The following GK variants were observed in gnomAD, a reference collection of about 807,000 sequenced individuals.
GK encodes ATP:glycerol 3-phosphotransferase.
A neutral mutation model predicts 56.4 loss-of-function variants in GK; 9 were observed. The observed-to-expected ratio is 0.16, with a 90% CI of 0.10 to 0.28. The LOEUF (loss-of-function observed/expected upper bound fraction) is 0.28. GK is among the 10% of genes least tolerant of loss of function. GK has a pLI of 1.00. For synonymous variants in GK, 104 were observed against 144.1 expected (o/e 0.72, Z 1.99); for missense variants, 161 against 431.4 (o/e 0.37, Z 5.55).
chrX:30,664,031 T>G (rs758201161), intron 1 of GK, among the ~76,000 whole-genome samples: 229 of 87,196 alleles, frequency 2.6e-3, no homozygotes, highest in African/African-American at 7.1e-3. Context: ...TATATATATT[T>G]TATAGATATA....
chrX:30,685,274 G>A (rs1934534781), intron 4 of GK, among the ~76,000 whole-genome samples: 1 of 110,970 alleles, frequency 9.0e-6, no homozygotes, highest in Non-Finnish European at 1.9e-5. Flanking sequence ...TGGGACTACA[G>A]GCGCCTGCCA....
At chrX:30,654,743 AT>A (rs2147115341) in intron 1 of GK, among the ~76,000 whole-genome samples, 1 of 111,899 alleles carries the variant, frequency 8.9e-6, no homozygotes, top group East Asian at 2.8e-4. Context: ...TCTCAAAAAA[AT>A]AAAAATAAAT....
At chrX:30,724,666 C>T in intron 19 of GK, 1 of 305,952 alleles carries the variant, frequency 3.3e-6, no homozygotes, top group South Asian at 3.0e-5. Context: ...ATATACCAAA[C>T]ATAGTAAATT....
chrX:30,700,394 C>T lies in GK; in HGVS notation c.748-20C>T. ...CAAAATTTTGTGACTATTCATAATC[C>T]TTTTTTTAAATTTTATTAGAAAGCT... On this transcript the variant is annotated intron_variant, in intron 9 of 20. Coordinates refer to ENST00000427190, the MANE Select transcript of GK (RefSeq NM_001205019.2). The T allele has an allele frequency of 8.4e-7, 1 of 1,188,010 alleles. No homozygotes were observed. The highest frequency in any genetic ancestry group is 1.1e-6 in the Non-Finnish European group (1 of 876,022).
rs1253039155 is a variant in GK at position 30,730,243 on chromosome X, T to C, written c.*1501T>C. 6 of 112,121 alleles carry C rather than the reference T, an allele frequency of 5.4e-5. No individual in the cohort carries two copies. The highest frequency in any genetic ancestry group is 1.1e-4 in the Non-Finnish European group (6 of 53,215). 9.2% of individuals were successfully genotyped at this position (112,121 alleles called of 1,213,427 possible). On this transcript the variant is annotated 3_prime_UTR_variant, in exon 21 of 21. Coordinates refer to ENST00000427190, the MANE Select transcript of GK (RefSeq NM_001205019.2). ...CAATGAGTGCTGAATGGGAAAACAT[T>C]TATATCTTACTATAAAAGGTTCTGT...
chrX:30,653,992 C>T (rs1013672720), intron 1 of GK, among the ~76,000 whole-genome samples: 11 of 112,670 alleles, frequency 9.8e-5, no homozygotes, highest in Non-Finnish European at 1.9e-4. Flanking sequence ...AACATTTGGC[C>T]TGCGAGACAC....
intron 1 of GK, among the ~76,000 whole-genome samples, chrX:30,656,012 T>A (rs776963753): frequency 8.9e-6 from 1 of 111,751 alleles, no homozygotes; most frequent in Non-Finnish European, 1.9e-5. Context: ...AAAATTGTCC[T>A]CTCCTTGAGA....
At chrX:30,709,464 G>T (rs975551371) in intron 13 of GK, among the ~76,000 whole-genome samples, 2 of 111,772 alleles carry the variant, frequency 1.8e-5, no homozygotes, top group South Asian at 3.7e-4. Flanking sequence ...TAGAGGCTGC[G>T]GTCAGTTTCT....
chrX:30,711,826 G>A lies in GK; in HGVS notation c.975+3692G>A, dbSNP rs185932925. On this transcript the variant is annotated intron_variant, in intron 13 of 20. Transcript: ENST00000427190. ...TCATGTAACTTGTTCATAGAACGCCGCCAATCCCAAGAACCTCTATTTGCC... is the reference window on the plus strand; with the variant it reads ...TCATGTAACTTGTTCATAGAACGCCACCAATCCCAAGAACCTCTATTTGCC... Among the ~76,000 whole-genome samples, 264 of 111,238 alleles carry A rather than the reference G, an allele frequency of 2.4e-3. 1 individual carries two copies. The highest frequency in any genetic ancestry group is 4.5e-3 in the Admixed American group (47 of 10,454).
At chrX:30,712,039 C>T (rs1377006537) in intron 13 of GK, among the ~76,000 whole-genome samples, 1 of 112,305 alleles carries the variant, frequency 8.9e-6, no homozygotes, top group African/African-American at 3.2e-5. Context: ...AGAGCATGTG[C>T]ATGCATATCT....
At chrX:30,689,822 C>A (rs1458548862) in intron 4 of GK, among the ~76,000 whole-genome samples, 1 of 112,039 alleles carries the variant, frequency 8.9e-6, no homozygotes, top group Non-Finnish European at 1.9e-5. Context: ...CCAACAGATG[C>A]AGGAGGAGTA....
chrX:30,669,357 T>A (rs1195159654), intron 3 of GK, among the ~76,000 whole-genome samples: 1 of 109,985 alleles, frequency 9.1e-6, no homozygotes, highest in Non-Finnish European at 1.9e-5. Flanking sequence ...TAATTTTTTG[T>A]ATTTTTTGTA....
intron 5 of GK, among the ~76,000 whole-genome samples, chrX:30,693,306 A>G (rs188049999): frequency 2.4e-3 from 266 of 108,693 alleles, no homozygotes; most frequent in Non-Finnish European, 4.3e-3. Context: ...ATGAGCCACC[A>G]CGCCTGGCGT....
rs758112750 is a variant in GK at position 30,713,902 on chromosome X, G to T, written c.976-4636G>T. 4.5e-5 allele frequency among the ~76,000 whole-genome samples: 5 copies of T among 112,048 alleles called. No homozygotes were observed. In the East Asian group the frequency reaches 1.4e-3, roughly 31 times the overall value. ...TTGAGACTTCCATGTTCCGTGTTTT[G>T]TCACTAGAATATAGATTTCCTGAGG... On this transcript the variant is annotated intron_variant, in intron 13 of 20. Transcript: ENST00000427190.
chrX:30,664,730 G>A (rs1947838627), intron 1 of GK, among the ~76,000 whole-genome samples: 1 of 80,546 alleles, frequency 1.2e-5, no homozygotes, highest in East Asian at 3.9e-4. Flanking sequence ...TTTTTGAGAC[G>A]GAGTTTTCCT....
chrX:30,703,968 AG>A (rs1339765457), intron 11 of GK, among the ~76,000 whole-genome samples: 14 of 107,105 alleles, frequency 1.3e-4, no homozygotes, highest in Admixed American at 1.1e-3. Flanking sequence ...AAAAAAAAAA[AG>A]ATGGAAATTT....
intron 11 of GK, among the ~76,000 whole-genome samples, chrX:30,705,158 G>A (rs1450431545): frequency 8.9e-6 from 1 of 111,917 alleles, no homozygotes; most frequent in Non-Finnish European, 1.9e-5. Context: ...TGGGGGATAA[G>A]TGATGGACAA....
chrX:30,707,424 A>T, intron 11 of GK, 132 bp from the exon 12 acceptor site: 1 of 449,920 alleles, frequency 2.2e-6, no homozygotes, highest in Non-Finnish European at 4.0e-6. Flanking sequence ...TGTTAACTTT[A>T]GGAACTTTTA....
At chrX:30,676,027 A>G (rs1933874589) in intron 3 of GK, among the ~76,000 whole-genome samples, 1 of 111,774 alleles carries the variant, frequency 8.9e-6, no homozygotes, top group African/African-American at 3.3e-5. Context: ...CTGACCTCAG[A>G]TGATCCACCT....
Sources: allele counts gnomAD v4.1 joint callset (sites outside exome capture counted in the v4.1 genomes callset), GRCh38; gene constraint gnomAD v4.1.1; transcripts MANE v1.5; gene names NCBI Gene and HGNC (gene_info 2026-07-23, HGNC 2026-07-21).